Variants in PCBP3 observed in about 807,000 individuals in gnomAD.
PCBP3 encodes the protein poly(rC) binding protein 3, also known as poly(rC)-binding protein 3.
Under a neutral mutation model 52.7 loss-of-function variants are expected in PCBP3, and 25 were observed. That is an observed-to-expected ratio of 0.47 (90% CI 0.35 to 0.66). PCBP3 has a LOEUF of 0.66. PCBP3 is among the 30% of genes least tolerant of loss of function. PCBP3 has a pLI of 0.01. For synonymous variants in PCBP3, 162 were observed against 183.0 expected, an observed-to-expected ratio of 0.89 and a Z score of 0.93; for missense variants, 391 against 490.3, an observed-to-expected ratio of 0.80 and a Z score of 1.91.
At chr21:45,661,983 A>AT (rs201436780) in intron 1 of PCBP3, among the ~76,000 whole-genome samples, 12 of 149,958 alleles carry the variant, frequency 8.0e-5, no homozygotes, top group Non-Finnish European at 1.2e-4. Flanking sequence ...TAATGGGGTT[A>AT]TTTTTTTTTC....
At chr21:45,739,845 C>T (rs2086286301) in intron 3 of PCBP3, among the ~76,000 whole-genome samples, 1 of 152,236 alleles carries the variant, frequency 6.6e-6, no homozygotes, top group African/African-American at 2.4e-5. Context: ...TAGTCACTGT[C>T]ACACACACTC....
At chr21:45,666,187 A>G (rs1420317732) in intron 1 of PCBP3, among the ~76,000 whole-genome samples, 1 of 152,224 alleles carries the variant, frequency 6.6e-6, no homozygotes, top group Non-Finnish European at 1.5e-5. Context: ...CGCCTAAAGC[A>G]TTCCCTCTAA....
chr21:45,732,505 T>C, intron 2 of PCBP3, among the ~76,000 whole-genome samples: 1 of 37,210 alleles, frequency 2.7e-5, no homozygotes, highest in Admixed American at 2.6e-4. Context: ...GCCTTTACGA[T>C]TTTTTTTTTT....
intron 5 of PCBP3, among the ~76,000 whole-genome samples, chr21:45,884,962 G>A (rs1281469467): frequency 1.3e-5 from 2 of 152,156 alleles, no homozygotes; most frequent in African/African-American, 4.8e-5. Context: ...TAGTTTAGAG[G>A]ACTCGAGAGT....
chr21:45,932,751 T>G (rs1466985165), intron 15 of PCBP3, among the ~76,000 whole-genome samples: 17 of 123,250 alleles, frequency 1.4e-4, no homozygotes, highest in South Asian at 5.3e-4. Context: ...GAACACCTGG[T>G]CCATGCCATC....
At chr21:45,824,332 C>T (rs569456277) in intron 4 of PCBP3, among the ~76,000 whole-genome samples, 1 of 152,286 alleles carries the variant, frequency 6.6e-6, no homozygotes, top group Non-Finnish European at 1.5e-5. Context: ...GATCTCATTC[C>T]CTTCTTTTTC....
chr21:45,768,838 C>T (rs2089602305), intron 4 of PCBP3, among the ~76,000 whole-genome samples: 1 of 152,328 alleles, frequency 6.6e-6, no homozygotes, highest in Admixed American at 6.5e-5. Context: ...GGGAGCCAGG[C>T]ACCCCTGGCC....
intron 2 of PCBP3, among the ~76,000 whole-genome samples, chr21:45,682,021 CAAG>C (rs1390744030): frequency 1.3e-5 from 2 of 151,958 alleles, no homozygotes; most frequent in South Asian, 2.1e-4. Flanking sequence ...CATCACATTT[CAAG>C]AAGAAGAGGA....
chr21:45,876,791 C>T (rs1184966388), intron 5 of PCBP3, among the ~76,000 whole-genome samples: 2 of 152,264 alleles, frequency 1.3e-5, no homozygotes, highest in African/African-American at 4.8e-5. Context: ...TTCCCTCCCA[C>T]AGTCACATCC....
At chr21:45,679,088 T>TC (rs1217012379) in intron 2 of PCBP3, among the ~76,000 whole-genome samples, 2 of 151,760 alleles carry the variant, frequency 1.3e-5, no homozygotes, top group African/African-American at 4.8e-5. Context: ...ATTTTTTTTT[T>TC]TTTTTTTTTT....
chr21:45,863,469 G>A (rs946723203), intron 5 of PCBP3, among the ~76,000 whole-genome samples: 1 of 152,218 alleles, frequency 6.6e-6, no homozygotes, highest in Non-Finnish European at 1.5e-5. Flanking sequence ...CTGTTGAGTC[G>A]CCCCTGTTGG....
chr21:45,645,912 A>G (rs1028624478), intron 1 of PCBP3, among the ~76,000 whole-genome samples: 1 of 152,196 alleles, frequency 6.6e-6, no homozygotes, highest in African/African-American at 2.4e-5. Context: ...ATGTATTGGA[A>G]TTGCCCCAAC....
chr21:45,938,635 G>T (rs568469556), intron 16 of PCBP3, among the ~76,000 whole-genome samples: 3 of 152,272 alleles, frequency 2.0e-5, no homozygotes, highest in African/African-American at 7.2e-5. Context: ...ATGTGGGTGG[G>T]GTCTGGGAGA....
chr21:45,939,510 A>G (rs957667815), intron 16 of PCBP3, among the ~76,000 whole-genome samples: 2 of 152,282 alleles, frequency 1.3e-5, no homozygotes, highest in Admixed American at 1.3e-4. Flanking sequence ...TAAGTTCAGC[A>G]AAAGCTAAGT....
intron 14 of PCBP3, among the ~76,000 whole-genome samples, chr21:45,930,516 C>T (rs1250146243): frequency 2.0e-5 from 3 of 152,212 alleles, no homozygotes; most frequent in East Asian, 1.9e-4. Context: ...GGTGGCCATC[C>T]GTGGCAAGCC....
At chr21:45,799,410 G>A (rs1263235080) in intron 4 of PCBP3, among the ~76,000 whole-genome samples, 1 of 151,406 alleles carries the variant, frequency 6.6e-6, no homozygotes, top group Non-Finnish European at 1.5e-5. Flanking sequence ...CTTTTATTAT[G>A]GCATATTGAT....
At chr21:45,859,476 C>G (rs1388991640) in intron 5 of PCBP3, among the ~76,000 whole-genome samples, 2 of 152,240 alleles carry the variant, frequency 1.3e-5, no homozygotes, top group Non-Finnish European at 2.9e-5. Context: ...GAGGAAAACT[C>G]CCAGGTTGCC....
intron 13 of PCBP3, among the ~76,000 whole-genome samples, chr21:45,921,596 G>T: frequency 6.6e-6 from 1 of 152,298 alleles, no homozygotes; most frequent in Middle Eastern, 3.4e-3. Flanking sequence ...CAGGTGGATC[G>T]CTTGAGCTCA....
At chr21:45,878,011 C>G (rs1306546799) in intron 5 of PCBP3, among the ~76,000 whole-genome samples, 1 of 152,246 alleles carries the variant, frequency 6.6e-6, no homozygotes, top group Non-Finnish European at 1.5e-5. Flanking sequence ...GCCTGGACTC[C>G]AGGCAGCCAC....
Sources: allele counts gnomAD v4.1 joint callset (sites outside exome capture counted in the v4.1 genomes callset), GRCh38; gene constraint gnomAD v4.1.1; transcripts MANE v1.5; gene names NCBI Gene and HGNC (gene_info 2026-07-23, HGNC 2026-07-21).